Variants in GABRG3 observed in about 807,000 individuals in gnomAD.
GABRG3 encodes gamma-aminobutyric acid type A receptor subunit gamma3.
Under a neutral mutation model 48.8 loss-of-function variants are expected in GABRG3, and 25 were observed. The ratio of observed to expected loss-of-function variants is 0.51; its 90% CI spans 0.37 to 0.72. The LOEUF is 0.72. GABRG3 is among the 30% of genes least tolerant of loss of function. GABRG3 has a pLI of 0.00. For missense variants in GABRG3, 394 were observed against 577.9 expected (o/e 0.68, Z 3.26); for synonymous variants, 227 against 217.6 (o/e 1.04, Z -0.38).
At chr15:27,332,209 C>A (rs1322286492) in intron 5 of GABRG3, among the ~76,000 whole-genome samples, 1 of 152,174 alleles carries the variant, frequency 6.6e-6, no homozygotes, top group Non-Finnish European at 1.5e-5. Flanking sequence ...AATCCTAATA[C>A]CAATAAGCAA....
intron 2 of GABRG3, among the ~76,000 whole-genome samples, chr15:27,025,395 A>C (rs1895967508): frequency 6.6e-6 from 1 of 152,212 alleles, no homozygotes; most frequent in African/African-American, 2.4e-5. Context: ...AATTTGAAGA[A>C]AGATGCTACC....
intron 3 of GABRG3, among the ~76,000 whole-genome samples, chr15:27,122,467 CA>C (rs1382319333): frequency 1.3e-5 from 2 of 152,204 alleles, no homozygotes; most frequent in Non-Finnish European, 2.9e-5. Flanking sequence ...GAAGTGGGTT[CA>C]AACCCAGCAT....
At chr15:27,203,104 A>G (rs1351398860) in intron 3 of GABRG3, among the ~76,000 whole-genome samples, 1 of 152,104 alleles carries the variant, frequency 6.6e-6, no homozygotes, top group African/African-American at 2.4e-5. Flanking sequence ...ACATGGGTAA[A>G]TTGCATGTTA....
intron 5 of GABRG3, among the ~76,000 whole-genome samples, chr15:27,343,862 G>A (rs1161831512): frequency 6.6e-6 from 1 of 152,224 alleles, no homozygotes; most frequent in Admixed American, 6.5e-5. Flanking sequence ...TTTTATGGGA[G>A]CAAGAACAGA....
chr15:27,370,104 A>T (rs1347469814), intron 5 of GABRG3, among the ~76,000 whole-genome samples: 1 of 152,246 alleles, frequency 6.6e-6, no homozygotes, highest in Non-Finnish European at 1.5e-5. Flanking sequence ...GGAATTCAGC[A>T]GCAAATGCAT....
chr15:27,275,235 C>T (rs572409762), intron 3 of GABRG3, among the ~76,000 whole-genome samples: 3 of 152,282 alleles, frequency 2.0e-5, no homozygotes, highest in South Asian at 4.1e-4. Context: ...TAAAAGTCCC[C>T]AGGTTGTCAA....
At chr15:27,033,633 C>A (rs964478463) in intron 3 of GABRG3, among the ~76,000 whole-genome samples, 8 of 151,932 alleles carry the variant, frequency 5.3e-5, no homozygotes, top group Non-Finnish European at 8.8e-5. Flanking sequence ...TTATGTATTT[C>A]TTTTAGCAAT....
At chr15:26,978,243 C>T (rs1224132264) in intron 2 of GABRG3, among the ~76,000 whole-genome samples, 1 of 151,926 alleles carries the variant, frequency 6.6e-6, no homozygotes, top group South Asian at 2.1e-4. Context: ...CTCTGTATAT[C>T]CTAGGTATGA....
intron 3 of GABRG3, among the ~76,000 whole-genome samples, chr15:27,211,599 C>T (rs1889082330): frequency 6.6e-6 from 1 of 152,108 alleles, no homozygotes; most frequent in South Asian, 2.1e-4. Context: ...AATGGTTTTC[C>T]TTTTACTGAA....
At chr15:27,317,505 G>A (rs1893271695) in intron 3 of GABRG3, among the ~76,000 whole-genome samples, 1 of 152,196 alleles carries the variant, frequency 6.6e-6, no homozygotes, top group African/African-American at 2.4e-5. Flanking sequence ...TTCCTTCAGA[G>A]GGGCTTTGTG....
At position 27,467,344 on chromosome 15, in the gene GABRG3, G is replaced by C. The variant is rs146322939; in HGVS notation, c.575-13306G>C. On this transcript the variant is annotated intron_variant, in intron 5 of 9. Coordinates refer to ENST00000615808, the MANE Select transcript of GABRG3 (RefSeq NM_033223.5). ...TTAGGACTTCAACGTATGAATTTGT[G>C]GGGGGGACACAGATGTTCAGACCAT... 3.4e-3 allele frequency among the ~76,000 whole-genome samples: 511 copies of C among 151,688 alleles called. 1 individual carries two copies. Among genetic ancestry groups the C allele is most frequent in the African/African-American group, 0.012 (482 of 41,506 alleles).
At chr15:27,268,687 T>A (rs1317104643) in intron 3 of GABRG3, among the ~76,000 whole-genome samples, 3 of 152,220 alleles carry the variant, frequency 2.0e-5, no homozygotes, top group Non-Finnish European at 4.4e-5. Flanking sequence ...CTGGTTTAGA[T>A]ACATTCTGCA....
intron 5 of GABRG3, among the ~76,000 whole-genome samples, chr15:27,432,325 G>A (rs368297969): frequency 1.8e-4 from 27 of 152,286 alleles, no homozygotes; most frequent in African/African-American, 5.5e-4. Context: ...CCATAAACAC[G>A]TTTATGTAAT....
chr15:27,528,651 A>C (rs1453754997), intron 9 of GABRG3, among the ~76,000 whole-genome samples: 6 of 152,180 alleles, frequency 3.9e-5, no homozygotes, highest in Admixed American at 3.9e-4. Context: ...TTTGGTAGTC[A>C]CGCAGGAAAA....
chr15:27,027,333 G>A (rs1407835776), intron 3 of GABRG3, among the ~76,000 whole-genome samples: 1 of 152,194 alleles, frequency 6.6e-6, no homozygotes, highest in African/African-American at 2.4e-5. Context: ...GTGGTGGGCT[G>A]AAGGCCACAG....
intron 3 of GABRG3, among the ~76,000 whole-genome samples, chr15:27,110,605 C>T (rs908228450): frequency 1.3e-5 from 2 of 150,688 alleles, no homozygotes; most frequent in African/African-American, 4.9e-5. Context: ...CTGAGGAAGT[C>T]TTTATTTCTC....
rs545696639 is a variant in GABRG3, at chr15:26,976,497, G to A, written c.54-505G>A. Among the ~76,000 whole-genome samples, 8 of 152,090 alleles carry A rather than the reference G, an allele frequency of 5.3e-5. 1 individual carries two copies. The South Asian group carries it at 6.2e-4, about 12-fold the overall frequency. On this transcript the variant is annotated intron_variant, in intron 1 of 9. Coordinates refer to ENST00000615808, the MANE Select transcript of GABRG3 (RefSeq NM_033223.5). This position sits in a 1 kb window ranked among gnomAD's most constrained non-coding sequence, Gnocchi z 7.8. Reference sequence around the variant, plus strand: ...CAAGTGCCTAGACCCCCAGATTCCCGCCTCCAAGAGAAGCACTGAGTCAGA... The same window carrying A: ...CAAGTGCCTAGACCCCCAGATTCCCACCTCCAAGAGAAGCACTGAGTCAGA...
chr15:27,476,078 C>T (rs1469269730), intron 5 of GABRG3, among the ~76,000 whole-genome samples: 1 of 152,064 alleles, frequency 6.6e-6, no homozygotes, highest in Non-Finnish European at 1.5e-5. Flanking sequence ...AAAAAGCCAG[C>T]AAAGAACTCA....
intron 3 of GABRG3, among the ~76,000 whole-genome samples, chr15:27,243,158 A>C (rs545850661): frequency 1.3e-5 from 2 of 152,226 alleles, no homozygotes; most frequent in Admixed American, 6.5e-5. Context: ...AAGAACACTC[A>C]TAATACAACC....
Sources: gnomAD v4.1 joint callset for allele counts (sites outside exome capture counted in the v4.1 genomes callset) on GRCh38, gnomAD v4.1.1 for gene constraint, Gnocchi (gnomAD v3.1) non-coding constraint, MANE v1.5 for transcripts, NCBI Gene and HGNC (gene_info 2026-07-23, HGNC 2026-07-21) for gene names.